Variants in RSPO3 observed in about 807,000 individuals in gnomAD.
RSPO3 encodes the protein R-spondin-3.
A neutral mutation model predicts 36.5 loss-of-function variants in RSPO3; 17 were observed. That is an observed-to-expected ratio of 0.47 (90% confidence interval 0.32 to 0.70). The LOEUF (loss-of-function observed/expected upper bound fraction) is 0.70. Among genes scored for constraint, RSPO3 ranks in the 30% least tolerant of loss-of-function variants. The pLI is 0.04. For missense variants in RSPO3, 294 were observed against 322.5 expected (o/e 0.91, Z 0.68); for synonymous variants, 108 against 107.0 (o/e 1.01, Z -0.06).
intron 1 of RSPO3, among the ~76,000 whole-genome samples, chr6:127,120,694 G>A (rs1490472754): frequency 1.6e-4 from 25 of 152,266 alleles, no homozygotes; most frequent in Admixed American, 1.6e-3. Context: ...GCCAGACAAG[G>A]TTTGATTCAC....
At chr6:127,155,192 T>C (rs751755298) in intron 3 of RSPO3, 49 bp from the exon 4 acceptor site, 5 of 1,566,922 alleles carry the variant, frequency 3.2e-6, no homozygotes, top group Non-Finnish European at 4.4e-6. Context: ...TCAACAATAG[T>C]GAAAGTGGTT....
intron 4 of RSPO3, among the ~76,000 whole-genome samples, chr6:127,174,117 T>C (rs1004880261): frequency 4.0e-5 from 6 of 151,892 alleles, no homozygotes; most frequent in Non-Finnish European, 8.8e-5. Flanking sequence ...TTGTGATACC[T>C]TGCTCGTGGC....
In RSPO3 at chr6:127,196,158, A is replaced by C. The variant is rs567957245; in HGVS notation, c.*151A>C. 1 of 542,442 alleles carries C rather than the reference A, an allele frequency of 1.8e-6. No homozygotes were observed. The highest frequency in any genetic ancestry group is 3.1e-5 in the East Asian group (1 of 32,352). 33.6% of individuals were successfully genotyped at this position (542,442 alleles called of 1,614,324 possible). On this transcript the variant is annotated 3_prime_UTR_variant, in exon 5 of 5. Coordinates refer to ENST00000356698, the MANE Select transcript of RSPO3 (RefSeq NM_032784.5). Reference sequence around the variant, plus strand: ...CAGTAGTTGCTATATTCTTCATACAAGCATAGTTAACAACAAAGAGCCAAA... The same window carrying C: ...CAGTAGTTGCTATATTCTTCATACACGCATAGTTAACAACAAAGAGCCAAA...
intron 4 of RSPO3, among the ~76,000 whole-genome samples, chr6:127,159,944 T>C (rs1774676482): frequency 6.6e-6 from 1 of 152,110 alleles, no homozygotes; most frequent in Admixed American, 6.6e-5. Context: ...CCACCATGCC[T>C]GGCTGAATGT....
chr6:127,147,884 C>G (rs907595737), intron 1 of RSPO3, among the ~76,000 whole-genome samples: 1 of 152,022 alleles, frequency 6.6e-6, no homozygotes, highest in Non-Finnish European at 1.5e-5. Flanking sequence ...AAATATTGAA[C>G]ATAAATTACC....
At chr6:127,174,029 C>T (rs983621350) in intron 4 of RSPO3, among the ~76,000 whole-genome samples, 1 of 151,820 alleles carries the variant, frequency 6.6e-6, no homozygotes, top group African/African-American at 2.4e-5. Flanking sequence ...ACATTGATTT[C>T]CTTTAGCAGT....
chr6:127,136,705 G>A (rs1265973301), intron 1 of RSPO3, among the ~76,000 whole-genome samples: 4 of 152,130 alleles, frequency 2.6e-5, no homozygotes, highest in African/African-American at 7.2e-5. Context: ...TAGCCTCAAA[G>A]GTCTTGTAGG....
At chr6:127,128,695 T>C (rs1321699313) in intron 1 of RSPO3, among the ~76,000 whole-genome samples, 2 of 152,134 alleles carry the variant, frequency 1.3e-5, no homozygotes, top group African/African-American at 4.8e-5. Flanking sequence ...TATTGATCTG[T>C]ATTGTTGAAC....
intron 1 of RSPO3, among the ~76,000 whole-genome samples, chr6:127,139,539 ATAT>A (rs1562242500): frequency 2.3e-5 from 3 of 128,886 alleles, no homozygotes; most frequent in African/African-American, 8.6e-5. Context: ...CTTAAAAAAA[ATAT>A]ATCTTTTTTT....
At chr6:127,167,398 T>A (rs1774842926) in intron 4 of RSPO3, among the ~76,000 whole-genome samples, 1 of 151,992 alleles carries the variant, frequency 6.6e-6, no homozygotes, top group Non-Finnish European at 1.5e-5. Flanking sequence ...CTGTGTTAGT[T>A]TGCTGAGGAT....
At chr6:127,194,833 G>A (rs1384759534) in intron 4 of RSPO3, among the ~76,000 whole-genome samples, 1 of 152,146 alleles carries the variant, frequency 6.6e-6, no homozygotes, top group Non-Finnish European at 1.5e-5. Context: ...GGGCCTGCAT[G>A]AAATCCAGTA....
chr6:127,140,754 C>A (rs191061244), intron 1 of RSPO3, among the ~76,000 whole-genome samples: 2 of 152,242 alleles, frequency 1.3e-5, no homozygotes, highest in East Asian at 1.9e-4. Context: ...CTCCAACCAC[C>A]CTTTGTAACT....
Position 127,197,975 on chromosome 6 carries a change from C to A in RSPO3, c.*1968C>A, listed in dbSNP as rs1056917873. Among the ~76,000 whole-genome samples the A allele has an allele frequency of 1.3e-5, 2 of 152,182 alleles. No homozygotes were observed. Among genetic ancestry groups the A allele is most frequent in the African/African-American group, 4.8e-5 (2 of 41,442 alleles). On this transcript the variant is annotated 3_prime_UTR_variant, in exon 5 of 5. Coordinates refer to ENST00000356698, the MANE Select transcript of RSPO3 (RefSeq NM_032784.5). ...AGACCTTTCGGATGATTTCATATAC[C>A]ATCTTTCTTCTGAGTGTTACCCAGT...
intron 4 of RSPO3, among the ~76,000 whole-genome samples, chr6:127,187,140 C>G (rs752873102): frequency 6.6e-6 from 1 of 151,912 alleles, no homozygotes; most frequent in Non-Finnish European, 1.5e-5. Context: ...GGGTAGAGTA[C>G]GAGTGTTACA....
chr6:127,162,810 TAG>T (rs546778208), intron 4 of RSPO3, among the ~76,000 whole-genome samples: 3 of 152,210 alleles, frequency 2.0e-5, no homozygotes, highest in Non-Finnish European at 4.4e-5. Flanking sequence ...CTGTCTTCAT[TAG>T]AGTTTCCTAA....
At chr6:127,150,377 A>T (rs1166243502) in intron 2 of RSPO3, 49 bp from the exon 3 acceptor site, 1 of 1,556,464 alleles carries the variant, frequency 6.4e-7, no homozygotes, top group Admixed American at 1.7e-5. Context: ...CTGGACCAAT[A>T]GTTAAGAGAA....
At chr6:127,161,994 T>C (rs1412209350) in intron 4 of RSPO3, among the ~76,000 whole-genome samples, 1 of 152,184 alleles carries the variant, frequency 6.6e-6, no homozygotes, top group Non-Finnish European at 1.5e-5. Flanking sequence ...TGAGACCTAC[T>C]GGGCAATTTT....
chr6:127,123,208 C>G (rs913059065), intron 1 of RSPO3, among the ~76,000 whole-genome samples: 22 of 151,960 alleles, frequency 1.4e-4, no homozygotes, highest in Admixed American at 8.5e-4. Context: ...TGTTGTGAAT[C>G]CTGGAAAATA....
At chr6:127,181,301 T>C (rs1775181579) in intron 4 of RSPO3, among the ~76,000 whole-genome samples, 1 of 151,880 alleles carries the variant, frequency 6.6e-6, no homozygotes, top group Admixed American at 6.6e-5. Context: ...ACTTAAAAAC[T>C]ATACAGTAAA....
Sources: gnomAD v4.1 joint callset for allele counts (sites outside exome capture counted in the v4.1 genomes callset) on GRCh38, gnomAD v4.1.1 for gene constraint, MANE v1.5 for transcripts, NCBI Gene and HGNC (gene_info 2026-07-23, HGNC 2026-07-21) for gene names.